Variants in KRT73 observed in about 807,000 individuals in gnomAD.
KRT73 encodes the protein keratin, type II cytoskeletal 73.
Under a neutral mutation model 47.2 loss-of-function variants are expected in KRT73, and 44 were observed. That is an observed-to-expected ratio of 0.93 (90% CI 0.73 to 1.20). The LOEUF is 1.20. KRT73 is among the 50% of genes most tolerant of loss of function. The pLI, the probability that KRT73 is intolerant of heterozygous loss-of-function variation, is 0.00. For missense variants in KRT73, 713 were observed against 704.5 expected (o/e 1.01, Z -0.14); for synonymous variants, 285 against 291.3 (o/e 0.98, Z 0.22).
chr12:52,613,738 C>G lies in KRT73; in HGVS notation c.934G>C (p.Glu312Gln). The change falls in exon 5 of 9, where the codon GAG (glutamate) becomes CAG (glutamine). Residue 312 changes from glutamate (E) to glutamine (Q), a missense_variant. Coordinates refer to ENST00000305748, the MANE Select transcript of KRT73 (RefSeq NM_175068.3). The stretch of plus-strand genomic sequence containing the variant: ...TCGGCCTTGCTCTTCCGGGCGATCT[C>G]CTCATACTGGGCACGGACCTCAGCA... Reference protein sequence around the residue: ...IIAEVRAQYEEIARKSKAEAE... With the variant: ...IIAEVRAQYEQIARKSKAEAE... The G allele has an allele frequency of 6.2e-7, 1 of 1,614,198 alleles. No individual in the cohort carries two copies. Among genetic ancestry groups the G allele is most frequent in the Non-Finnish European group, 8.5e-7 (1 of 1,180,034 alleles).
intron 1 of KRT73, among the ~76,000 whole-genome samples, chr12:52,617,040 C>G (rs571553378): frequency 2.6e-5 from 4 of 152,292 alleles, no homozygotes; most frequent in African/African-American, 9.6e-5. Flanking sequence ...TATTCCTTAT[C>G]ACACTCTTCA....
At chr12:52,628,086 C>A in the KRT73 span, among the ~76,000 whole-genome samples, 14 of 73,042 alleles carry the variant, frequency 1.9e-4, no homozygotes, top group African/African-American at 8.7e-4. Flanking sequence ...AGTGGGCAAC[C>A]CTTTAAACAA....
At chr12:52,617,337 C>T (rs1019977986) in intron 1 of KRT73, among the ~76,000 whole-genome samples, 1 of 152,204 alleles carries the variant, frequency 6.6e-6, no homozygotes, top group African/African-American at 2.4e-5. Context: ...ACATCAGCAT[C>T]ACCTGGAGAG....
chr12:52,614,035 A>T, intron 4 of KRT73, 183 bp from the exon 5 acceptor site: 1 of 824,212 alleles, frequency 1.2e-6, no homozygotes, highest in South Asian at 2.1e-5. Context: ...AAAACTGCTG[A>T]ATGGGTTTGA....
intron 4 of KRT73, chr12:52,614,312 T>C: frequency 2.4e-6 from 1 of 409,286 alleles, no homozygotes. Flanking sequence ...GAAGCAGGAA[T>C]GAGAATATGC....
In KRT73 at chr12:52,613,155, A is replaced by G. The variant is rs1186725671; in HGVS notation, c.984+533T>C. ...AGCAAGGAACAATCAGGAAGTTGCC[A>G]TCTTGATCTGAGAAACCAAATTATC... On this transcript the variant is annotated intron_variant, in intron 5 of 8. Coordinates refer to ENST00000305748, the MANE Select transcript of KRT73 (RefSeq NM_175068.3). Among the ~76,000 whole-genome samples the G allele has an allele frequency of 3.9e-5, 6 of 152,338 alleles. No individual in the cohort carries two copies. The South Asian group carries it at 1.0e-3, about 26-fold the overall frequency.
chr12:52,610,865 A>G lies in KRT73; in HGVS notation c.1111-30T>C, dbSNP rs764321191. ...GGTCAGGAGGTAGCATTTCTCCCTGAGTTCCTCCCTGGGCCTCGCTTCACC... is the reference window on the plus strand; with the variant it reads ...GGTCAGGAGGTAGCATTTCTCCCTGGGTTCCTCCCTGGGCCTCGCTTCACC... On this transcript the variant is annotated intron_variant, in intron 6 of 8. Coordinates refer to ENST00000305748, the MANE Select transcript of KRT73 (RefSeq NM_175068.3). 3.8e-6 allele frequency: 6 copies of G among 1,572,890 alleles called. No individual in the cohort carries two copies. In the African/African-American group the frequency reaches 6.7e-5, roughly 18 times the overall value.
chr12:52,620,462 G>A (rs527434452), upstream of KRT73, among the ~76,000 whole-genome samples: 2 of 152,246 alleles, frequency 1.3e-5, no homozygotes, highest in South Asian at 4.2e-4. Flanking sequence ...CAACAAAACT[G>A]CATTGTGATG....
the KRT73 span, among the ~76,000 whole-genome samples, chr12:52,626,334 A>G: frequency 6.6e-6 from 1 of 152,370 alleles, no homozygotes; most frequent in East Asian, 1.9e-4. Flanking sequence ...CCCACTGCAG[A>G]GTCCATCCTT....
chr12:52,624,147 CAGAGAG>C, the KRT73 span, among the ~76,000 whole-genome samples: 2 of 151,682 alleles, frequency 1.3e-5, no homozygotes, highest in Non-Finnish European at 2.9e-5. Flanking sequence ...AATTATGAGA[CAGAGAG>C]AGACAGTGTA....
At chr12:52,611,156 T>C (rs370720735) in intron 6 of KRT73, 48 bp downstream of exon 6, 27 of 1,606,088 alleles carry the variant, frequency 1.7e-5, no homozygotes, top group Admixed American at 3.4e-5. Context: ...TGCTAAGCAG[T>C]TCACCCCTCC....
intron 6 of KRT73, 82 bp from the exon 7 acceptor site, chr12:52,610,917 C>T (rs1275858104): frequency 7.5e-6 from 9 of 1,207,130 alleles, no homozygotes; most frequent in Middle Eastern, 3.8e-4. Context: ...TGGTTGAGCC[C>T]TCCTCTGTCC....
At chr12:52,628,475 T>C in the KRT73 span, among the ~76,000 whole-genome samples, 2 of 152,190 alleles carry the variant, frequency 1.3e-5, no homozygotes, top group Non-Finnish European at 2.9e-5. Context: ...GAATAGGTCA[T>C]AGGAGGCCTT....
At chr12:52,614,909 ACT>A in intron 3 of KRT73, 1 of 542,738 alleles carries the variant, frequency 1.8e-6, no homozygotes, top group Non-Finnish European at 3.3e-6. Flanking sequence ...AGGGTGTGAG[ACT>A]CTATACCCCA....
intron 3 of KRT73, chr12:52,614,912 C>G (rs1212704107): frequency 3.7e-6 from 2 of 538,130 alleles, no homozygotes; most frequent in African/African-American, 1.9e-5. Context: ...GTGTGAGACT[C>G]TATACCCCAC....
Position 52,613,988 on chromosome 12 carries a change from C to G in KRT73, c.820-136G>C, listed in dbSNP as rs1039548855. The G allele has an allele frequency of 4.5e-6, 6 of 1,325,376 alleles. No homozygotes were observed. In the African/African-American group the frequency reaches 8.8e-5, roughly 19 times the overall value. 82.1% of individuals were successfully genotyped at this position (1,325,376 alleles called of 1,614,324 possible). On this transcript the variant is annotated intron_variant, in intron 4 of 8. Coordinates refer to ENST00000305748, the MANE Select transcript of KRT73 (RefSeq NM_175068.3). The stretch of plus-strand genomic sequence containing the variant: ...CTGCACTTCCCAAAGCTTGTAAGAA[C>G]AGAGCTCACAGCCCAGAGGTTCCAA...
At position 52,618,142 on chromosome 12, in the gene KRT73, ACT is replaced by A. The variant is rs774475459; in HGVS notation, c.381_382del (p.Lys127AsnfsTer21). ...GATCTGCTCCCGCTCCTGGGCACGC[ACT>A]TTCTGGATTTCAGGGTCCAGCTCCA... is the stretch of plus-strand genomic sequence containing the variant. On this transcript the variant is annotated frameshift_variant, in exon 1 of 9. Coordinates refer to ENST00000305748, the MANE Select transcript of KRT73 (RefSeq NM_175068.3). LOFTEE classifies it high-confidence loss of function. 1 of 1,613,942 alleles carries A rather than the reference ACT, an allele frequency of 6.2e-7. No homozygotes were observed. Among genetic ancestry groups the A allele is most frequent in the Admixed American group, 1.7e-5 (1 of 59,994 alleles).
the KRT73 span, among the ~76,000 whole-genome samples, chr12:52,626,296 G>A: frequency 2.0e-4 from 31 of 152,210 alleles, no homozygotes; most frequent in Non-Finnish European, 3.2e-4. Flanking sequence ...AGGTCACATA[G>A]CTAGAACCAG....
intron 6 of KRT73, 97 bp downstream of exon 6, chr12:52,611,107 T>G: frequency 6.8e-7 from 1 of 1,468,602 alleles, no homozygotes; most frequent in Non-Finnish European, 9.3e-7. Flanking sequence ...AAGAAGGGGA[T>G]TCTGAAATGG....
Sources: gnomAD v4.1 joint callset for allele counts (sites outside exome capture counted in the v4.1 genomes callset) on GRCh38, gnomAD v4.1.1 for gene constraint, MANE v1.5 for transcripts, NCBI Gene and HGNC (gene_info 2026-07-23, HGNC 2026-07-21) for gene names.